Variants in MAP4K4 observed in about 807,000 individuals in gnomAD.
The protein encoded by MAP4K4 is HPK/GCK-like kinase HGK.
In MAP4K4, 38 loss-of-function variants were observed where a neutral mutation model predicts 189.6. The ratio of observed to expected loss-of-function variants is 0.20; its 90% CI spans 0.15 to 0.26. The LOEUF is 0.26. MAP4K4 is among the 10% of genes least tolerant of loss of function. MAP4K4 has a pLI of 1.00. For synonymous variants in MAP4K4, 610 were observed against 624.3 expected (o/e 0.98, Z 0.34); for missense variants, 1,054 against 1,726.9 (o/e 0.61, Z 6.91).
chr2:101,857,069 T>C lies in MAP4K4; in HGVS notation c.1395+931T>C, dbSNP rs539915863. On this transcript the variant is annotated intron_variant, in intron 13 of 32. Transcript: ENST00000324219. ...CGTGTGCTTTAACATTCCACTTATG[T>C]TTATACCTGGGGTCTGCAAAGAGGA... is the stretch of plus-strand genomic sequence containing the variant. 1.2e-4 allele frequency among the ~76,000 whole-genome samples: 18 copies of C among 152,320 alleles called. No individual in the cohort carries two copies. In the East Asian group the frequency reaches 3.5e-3, roughly 29 times the overall value.
rs1215431365 is a variant in MAP4K4 at position 101,893,439 on chromosome 2, C to A, written c.*2190C>A. ...TTTGAGGTAGGCTGGATTCCATCGC[C>A]ACAGGACTTTAGTTAGAATTAAATT... On this transcript the variant is annotated 3_prime_UTR_variant, in exon 33 of 33. Transcript: ENST00000324219. The A allele has an allele frequency of 1.1e-5, 4 of 349,994 alleles. No homozygotes were observed. In the East Asian group the frequency reaches 3.0e-4, roughly 26 times the overall value. 21.7% of individuals were successfully genotyped at this position (349,994 alleles called of 1,614,324 possible).
chr2:101,848,270 A>C (rs2097172434), intron 12 of MAP4K4, among the ~76,000 whole-genome samples: 1 of 152,214 alleles, frequency 6.6e-6, no homozygotes, highest in Non-Finnish European at 1.5e-5. Flanking sequence ...TTTAGGGAAT[A>C]ATGACCAAAA....
exon 33 of MAP4K4, chr2:101,894,600 T>C (rs2098602824): frequency 1.3e-5 from 2 of 152,716 alleles, no homozygotes; most frequent in African/African-American, 4.8e-5. Flanking sequence ...CAGCCCTTTT[T>C]TTTGCAGTGC....
At chr2:101,867,499 A>G in intron 20 of MAP4K4, 190 bp downstream of exon 20, 3 of 561,456 alleles carry the variant, frequency 5.3e-6, no homozygotes, top group Non-Finnish European at 3.2e-6. Flanking sequence ...TTCCCTGTAT[A>G]AAGTCTCAAG....
At chr2:101,888,884 C>T (rs1156456519) in exon 32 of MAP4K4, 1 of 1,613,366 alleles carries the variant, frequency 6.2e-7, no homozygotes, top group South Asian at 1.1e-5. Context: ...ATGGTGTGTT[C>T]ATGCACAAAA....
At chr2:101,758,105 T>A (rs1233816950) in intron 2 of MAP4K4, among the ~76,000 whole-genome samples, 3 of 152,214 alleles carry the variant, frequency 2.0e-5, no homozygotes, top group Non-Finnish European at 4.4e-5. Flanking sequence ...TATCTTACTG[T>A]ATATAATACT....
At chr2:101,782,505 A>G (rs2088168670) in intron 2 of MAP4K4, among the ~76,000 whole-genome samples, 1 of 152,232 alleles carries the variant, frequency 6.6e-6, no homozygotes, top group South Asian at 2.1e-4. Context: ...CTGCCTGCTC[A>G]TCTGCAGCCC....
chr2:101,750,157 T>C (rs2067990167), intron 2 of MAP4K4, among the ~76,000 whole-genome samples: 1 of 149,622 alleles, frequency 6.7e-6, no homozygotes, highest in African/African-American at 2.5e-5. Context: ...ATCCCATTAC[T>C]GGGTATATAC....
chr2:101,845,797 C>G (rs2097090855), intron 12 of MAP4K4, among the ~76,000 whole-genome samples: 2 of 152,130 alleles, frequency 1.3e-5, no homozygotes, highest in South Asian at 4.1e-4. Context: ...ATTTCTCATT[C>G]ATTATCATTT....
chr2:101,848,545 A>G (rs2097181193), intron 12 of MAP4K4, among the ~76,000 whole-genome samples: 1 of 152,238 alleles, frequency 6.6e-6, no homozygotes, highest in Non-Finnish European at 1.5e-5. Flanking sequence ...CTGGCAAAAC[A>G]TGATCCAGAA....
chr2:101,893,448 T>G (rs1272524241), exon 33 of MAP4K4: 2 of 345,694 alleles, frequency 5.8e-6, no homozygotes, highest in African/African-American at 2.1e-5. Context: ...CCACAGGACT[T>G]TAGTTAGAAT....
chr2:101,794,904 C>T (rs2093507800), intron 3 of MAP4K4, among the ~76,000 whole-genome samples: 2 of 152,068 alleles, frequency 1.3e-5, no homozygotes, highest in Admixed American at 1.3e-4. Context: ...TTGATGGTTT[C>T]CTCATGTTAT....
chr2:101,768,030 TTTTC>T (rs2079432394), intron 2 of MAP4K4, among the ~76,000 whole-genome samples: 1 of 152,308 alleles, frequency 6.6e-6, no homozygotes, highest in East Asian at 1.9e-4. Context: ...GAAACACAGA[TTTTC>T]TTTATTTTTT....
chr2:101,786,001 T>A lies in MAP4K4; in HGVS notation c.124-4719T>A, dbSNP rs374602235. ...CCACCATGCCTGGCTGATTTTTGTA[T>A]TTTTAGTAGAGATGGGGTTTCACCA... On this transcript the variant is annotated intron_variant, in intron 2 of 32. Transcript: ENST00000324219. Among the ~76,000 whole-genome samples, 875 of 152,164 alleles carry A rather than the reference T, an allele frequency of 5.8e-3. 5 individuals carry two copies. The highest frequency in any genetic ancestry group is 9.1e-3 in the Non-Finnish European group (621 of 68,018).
intron 2 of MAP4K4, among the ~76,000 whole-genome samples, chr2:101,741,533 C>T (rs1362008435): frequency 6.6e-6 from 1 of 152,132 alleles, no homozygotes; most frequent in African/African-American, 2.4e-5. Flanking sequence ...TCCCTGCCCA[C>T]TTGCTAAATT....
chr2:101,750,673 AAGTT>A (rs1234529667), intron 2 of MAP4K4, among the ~76,000 whole-genome samples: 4 of 151,954 alleles, frequency 2.6e-5, no homozygotes, highest in Non-Finnish European at 5.9e-5. Context: ...TAAAAAAAAA[AAGTT>A]AGCCAGGCGT....
intron 3 of MAP4K4, among the ~76,000 whole-genome samples, chr2:101,802,405 T>TA (rs1005917480): frequency 4.6e-5 from 7 of 152,270 alleles, no homozygotes; most frequent in Non-Finnish European, 1.0e-4. Context: ...TACGGGTTCT[T>TA]ACAGTGGCTG....
At chr2:101,751,805 A>G (rs1182359306) in intron 2 of MAP4K4, among the ~76,000 whole-genome samples, 1 of 152,178 alleles carries the variant, frequency 6.6e-6, no homozygotes, top group Non-Finnish European at 1.5e-5. Context: ...TCTGCCTTCA[A>G]GGTATGAATC....
chr2:101,739,115 G>A (rs181077963), intron 2 of MAP4K4, among the ~76,000 whole-genome samples: 223 of 152,256 alleles, frequency 1.5e-3, no homozygotes, highest in Middle Eastern at 6.8e-3. Flanking sequence ...ACAGGGCATG[G>A]TAGGCAGGAT....
Sources: gnomAD v4.1 joint callset for allele counts (sites outside exome capture counted in the v4.1 genomes callset) on GRCh38, gnomAD v4.1.1 for gene constraint, MANE v1.5 for transcripts, NCBI Gene and HGNC (gene_info 2026-07-23, HGNC 2026-07-21) for gene names.